Variants in FIP1L1 observed in about 807,000 individuals in gnomAD.
FIP1L1 encodes the protein factor interacting with PAPOLA and CPSF1.
A neutral mutation model predicts 84.6 loss-of-function variants in FIP1L1; 21 were observed. The ratio of observed to expected loss-of-function variants is 0.25; its 90% confidence interval spans 0.18 to 0.36. FIP1L1 has a LOEUF of 0.36. Ranked by LOEUF, FIP1L1 falls within the 10% of genes least tolerant of loss-of-function variation. FIP1L1 has a pLI of 1.00. For synonymous variants in FIP1L1, 263 were observed against 242.3 expected (o/e 1.09, Z -0.80); for missense variants, 526 against 751.1 (o/e 0.70, Z 3.50).
chr4:53,401,994 G>A (rs1373873065), intron 10 of FIP1L1, among the ~76,000 whole-genome samples: 1 of 152,156 alleles, frequency 6.6e-6, no homozygotes, highest in Non-Finnish European at 1.5e-5. Context: ...GCACTCCCTT[G>A]TATGTCAGGA....
At chr4:53,420,445 A>AG (rs1761931596) in intron 11 of FIP1L1, among the ~76,000 whole-genome samples, 1 of 94,468 alleles carries the variant, frequency 1.1e-5, no homozygotes, top group Non-Finnish European at 2.8e-5. Context: ...AAAAAAAAAA[A>AG]AAAGATAAAT....
intron 15 of FIP1L1, among the ~76,000 whole-genome samples, chr4:53,444,709 G>A (rs749215996): frequency 6.6e-6 from 1 of 151,920 alleles, no homozygotes; most frequent in African/African-American, 2.4e-5. Context: ...ATCATCCCAC[G>A]CAGCTAGGAC....
rs758212043 is a variant in FIP1L1 at position 53,425,748 on chromosome 4, A to G, written c.924-124A>G. Reference sequence around the variant, plus strand: ...AACTCAGGGATATTTTTCAATGTGTATTGTGATCTGGTTTTATTTTAAAAT... The same window carrying G: ...AACTCAGGGATATTTTTCAATGTGTGTTGTGATCTGGTTTTATTTTAAAAT... On this transcript the variant is annotated intron_variant, in intron 11 of 17. Transcript: ENST00000337488. 34 of 663,408 alleles carry G rather than the reference A, an allele frequency of 5.1e-5. No individual in the cohort carries two copies. The South Asian group carries it at 5.3e-4, about 10-fold the overall frequency. The allele number at this position is 663,408 out of a possible 1,614,324, so 41.1% of individuals were successfully genotyped here. A position where few individuals can be genotyped will look rare whatever the true frequency, so the allele number is the denominator to read the frequency against.
chr4:53,395,756 G>A (rs1243872541), intron 9 of FIP1L1, among the ~76,000 whole-genome samples: 1 of 152,024 alleles, frequency 6.6e-6, no homozygotes, highest in Non-Finnish European at 1.5e-5. Context: ...GTGTGTGTGT[G>A]TATGTGTATA....
chr4:53,387,423 A>G (rs1741694339), intron 5 of FIP1L1, among the ~76,000 whole-genome samples: 1 of 151,966 alleles, frequency 6.6e-6, no homozygotes, highest in South Asian at 2.1e-4. Context: ...TACTGCTCCC[A>G]CCTCCCACAA....
In FIP1L1 at chr4:53,456,483, AG is replaced by A. The variant is rs1052588775; in HGVS notation, c.1500-2168del. Among the ~76,000 whole-genome samples the A allele has an allele frequency of 5.5e-4, 84 of 152,298 alleles. 2 individuals are homozygous for A. Among genetic ancestry groups the A allele is most frequent in the Admixed American group, 5.2e-3 (79 of 15,282 alleles). ...ATTTTGAGTTGTTCTGAATTATCCCAGGAAAAAATTACACTCTGGAAAATCC... is the reference window on the plus strand; with the variant it reads ...ATTTTGAGTTGTTCTGAATTATCCCAGAAAAAATTACACTCTGGAAAATCC... On this transcript the variant is annotated intron_variant, in intron 16 of 17. Coordinates refer to ENST00000337488, the MANE Select transcript of FIP1L1 (RefSeq NM_030917.4).
intron 1 of FIP1L1, 106 bp downstream of exon 1, chr4:53,378,029 G>T: frequency 9.5e-7 from 1 of 1,052,368 alleles, no homozygotes; most frequent in South Asian, 1.8e-5. Flanking sequence ...CGGGCCTCTG[G>T]TTGGGAGTCC....
At chr4:53,423,692 A>C (rs1763271466) in intron 11 of FIP1L1, among the ~76,000 whole-genome samples, 1 of 152,168 alleles carries the variant, frequency 6.6e-6, no homozygotes, top group Non-Finnish European at 1.5e-5. Flanking sequence ...GCACAAGGAG[A>C]TGTTTTGAAA....
chr4:53,404,085 G>T (rs1463218500), intron 10 of FIP1L1, among the ~76,000 whole-genome samples: 1 of 150,488 alleles, frequency 6.6e-6, no homozygotes, highest in African/African-American at 2.4e-5. Context: ...ATGTATACAT[G>T]TGCCATGCTG....
intron 9 of FIP1L1, 132 bp downstream of exon 9, chr4:53,391,630 T>G: frequency 1.6e-6 from 1 of 632,084 alleles, no homozygotes; most frequent in Non-Finnish European, 2.8e-6. Context: ...TCCTGGTGAC[T>G]TACAAATTTG....
chr4:53,416,346 C>CT (rs1759493495), intron 11 of FIP1L1, among the ~76,000 whole-genome samples: 1 of 152,160 alleles, frequency 6.6e-6, no homozygotes. Flanking sequence ...AAGTATTGGA[C>CT]TTGGATTTTA....
chr4:53,400,438 A>G (rs1749634255), intron 10 of FIP1L1, among the ~76,000 whole-genome samples: 1 of 152,186 alleles, frequency 6.6e-6, no homozygotes, highest in African/African-American at 2.4e-5. Context: ...GGTAAAGGAT[A>G]GTAGGCTAAG....
chr4:53,436,680 G>C (rs1769351458), intron 13 of FIP1L1, among the ~76,000 whole-genome samples: 1 of 152,164 alleles, frequency 6.6e-6, no homozygotes, highest in African/African-American at 2.4e-5. Flanking sequence ...AGACTACATT[G>C]AGAATGAGTT....
intron 13 of FIP1L1, chr4:53,440,741 G>A: frequency 1.5e-6 from 1 of 688,510 alleles, no homozygotes; most frequent in Non-Finnish European, 2.6e-6. Flanking sequence ...CCTATTTTCA[G>A]CTCTGCCTTT....
At position 53,391,207 on chromosome 4, in the gene FIP1L1, C is replaced by T. The variant is rs996022080; in HGVS notation, c.636+68C>T. On this transcript the variant is annotated intron_variant, in intron 8 of 17. Transcript: ENST00000337488. The stretch of plus-strand genomic sequence containing the variant: ...TCCCACTTTTACTCCCCAAATAAAT[C>T]GCTTCCCTATAAAAGTGGTTAAATG... 1.2e-5 allele frequency: 18 copies of T among 1,499,722 alleles called. No individual in the cohort carries two copies. In the African/African-American group the frequency reaches 1.3e-4, roughly 11 times the overall value. The allele number at this position is 1,499,722 out of a possible 1,614,324, so 92.9% of individuals were successfully genotyped here.
In FIP1L1 at chr4:53,396,243, TTAAG is replaced by T. The variant is rs1248311281; in HGVS notation, c.706-3484_706-3481del. 2.6e-5 allele frequency among the ~76,000 whole-genome samples: 4 copies of T among 152,036 alleles called. 1 individual carries two copies. The highest frequency in any genetic ancestry group is 4.1e-4 in the South Asian group (2 of 4,824). Reference sequence around the variant, plus strand: ...CACAACTGTATTTTAGATGTTAACTTTAAGTAGGCCTTTTAAAGGAATTATCTAT... The same window carrying T: ...CACAACTGTATTTTAGATGTTAACTTTAGGCCTTTTAAAGGAATTATCTAT... On this transcript the variant is annotated intron_variant, in intron 9 of 17. Transcript: ENST00000337488.
chr4:53,421,185 T>C (rs1762262965), intron 11 of FIP1L1, among the ~76,000 whole-genome samples: 1 of 152,198 alleles, frequency 6.6e-6, no homozygotes, highest in African/African-American at 2.4e-5. Context: ...AGTAAAATGA[T>C]AGATGTAGTT....
intron 13 of FIP1L1, chr4:53,440,794 C>G (rs114700355): frequency 0.02 from 10,765 of 543,992 alleles, 159 homozygotes; most frequent in Non-Finnish European, 0.029. Flanking sequence ...TTTCTTATAC[C>G]TGTCTTACCC....
chr4:53,450,027 A>C (rs1290549920), intron 15 of FIP1L1, among the ~76,000 whole-genome samples: 2 of 152,112 alleles, frequency 1.3e-5, no homozygotes, highest in Non-Finnish European at 2.9e-5. Flanking sequence ...TTCAAAAACC[A>C]ACTTTCAGTT....
Sources: allele counts gnomAD v4.1 joint callset (sites outside exome capture counted in the v4.1 genomes callset), GRCh38; gene constraint gnomAD v4.1.1; transcripts MANE v1.5; gene names NCBI Gene and HGNC (gene_info 2026-07-23, HGNC 2026-07-21).